The following JADE2 variants were observed in gnomAD, a reference collection of about 807,000 sequenced individuals.
The protein encoded by JADE2 is E3 ubiquitin-protein ligase Jade-2.
In JADE2, 13 loss-of-function variants were observed where a neutral mutation model predicts 85.7. That is an observed-to-expected ratio of 0.15 (90% CI 0.10 to 0.24). JADE2 has a LOEUF of 0.24. Among genes scored for constraint, JADE2 ranks in the 10% least tolerant of loss-of-function variants. The pLI, the probability that JADE2 is intolerant of heterozygous loss-of-function variation, is 1.00. For missense variants in JADE2, 846 were observed against 1,115.9 expected (o/e 0.76, Z 3.45); for synonymous variants, 440 against 456.1 (o/e 0.96, Z 0.45).
At chr5:134,559,276 C>G (rs1763177436) in intron 4 of JADE2, among the ~76,000 whole-genome samples, 1 of 152,186 alleles carries the variant, frequency 6.6e-6, no homozygotes, top group African/African-American at 2.4e-5. Context: ...ATGGAGTTTT[C>G]AGGCTGTTGG....
chr5:134,543,100 T>A (rs2149900835), intron 3 of JADE2, among the ~76,000 whole-genome samples: 1 of 149,910 alleles, frequency 6.7e-6, no homozygotes. Flanking sequence ...AGTGGTGTGA[T>A]CTCGGCTCAC....
intron 11 of JADE2, among the ~76,000 whole-genome samples, chr5:134,577,817 A>C (rs1042260005): frequency 1.3e-5 from 2 of 152,120 alleles, no homozygotes; most frequent in Non-Finnish European, 2.9e-5. Flanking sequence ...TGCCGCCCTC[A>C]CATCTGCTGG....
At position 134,568,144 on chromosome 5, in the gene JADE2, T is replaced by C. The variant is rs566211035; in HGVS notation, c.1434+1564T>C. ...GCCCATGTGTCTGTCCCTGGCTGGG[T>C]TGTCCAGGGAGGTCAAGGGCTTGAC... On this transcript the variant is annotated intron_variant, in intron 9 of 11. Coordinates refer to ENST00000681547, the MANE Select transcript of JADE2 (RefSeq NM_001388185.1). 2.0e-5 allele frequency among the ~76,000 whole-genome samples: 3 copies of C among 152,300 alleles called. No individual in the cohort carries two copies. The East Asian group carries it at 5.8e-4, about 29-fold the overall frequency.
intron 8 of JADE2, among the ~76,000 whole-genome samples, chr5:134,565,089 G>T (rs1763557884): frequency 6.6e-6 from 1 of 152,124 alleles, no homozygotes; most frequent in South Asian, 2.1e-4. Context: ...TAGACTGCTG[G>T]GCCTACTCCT....
chr5:134,531,803 G>A (rs1358300508), intron 1 of JADE2, among the ~76,000 whole-genome samples: 2 of 147,624 alleles, frequency 1.4e-5, no homozygotes, highest in East Asian at 2.0e-4. Flanking sequence ...GGCTGGTCTC[G>A]AATTCCTGAC....
intron 4 of JADE2, among the ~76,000 whole-genome samples, chr5:134,552,635 G>C (rs1048265921): frequency 2.6e-5 from 4 of 152,220 alleles, no homozygotes; most frequent in Non-Finnish European, 4.4e-5. Flanking sequence ...ACTCTGTAAT[G>C]TTGATCCAAA....
rs774040072 is a variant in JADE2 at position 134,566,472 on chromosome 5, G to A, written c.1326G>A (p.Pro442=). ...KLKRKANANQ[P]LLTPKTDEVD... is the part of the protein sequence containing the mutation. ...AGAGGAAAGCCAATGCCAACCAGCCGCTGCTGACCCCCAAGACCGACGAGG... is the reference window on the plus strand; with the variant it reads ...AGAGGAAAGCCAATGCCAACCAGCCACTGCTGACCCCCAAGACCGACGAGG... Residue 442 remains proline (P), a synonymous_variant, in exon 9 of 12, where the codon CCG becomes CCA. Transcript: ENST00000681547. This position sits in a 1 kb window ranked among gnomAD's most constrained non-coding sequence, Gnocchi z 6.7. 4.5e-5 allele frequency: 73 copies of A among 1,613,208 alleles called. 1 individual carries two copies. In the South Asian group the frequency reaches 7.7e-4, roughly 17 times the overall value.
At position 134,552,088 on chromosome 5, in the gene JADE2, C is replaced by A. The variant is rs868668671; in HGVS notation, c.190C>A (p.Pro64Thr). The A allele has an allele frequency of 3.7e-6, 6 of 1,614,090 alleles. No homozygotes were observed. In the African/African-American group the frequency reaches 6.7e-5, roughly 18 times the overall value. Reference sequence around the variant, plus strand: ...AGACTTGATCACAGCCATGAAGATCCCGGACTCATACCAGCTCAGCCCGGA... The same window carrying A: ...AGACTTGATCACAGCCATGAAGATCACGGACTCATACCAGCTCAGCCCGGA... ...RTDLITAMKI[P>T]DSYQLSPDDY... Residue 64 changes from proline (P) to threonine (T), a missense_variant, in exon 4 of 12, where the codon CCG becomes ACG. Pro to Thr is a conservative substitution (Grantham distance 38, BLOSUM62 -1). This residue lies in a region of JADE2 where 44 missense variants were observed against 92.0 expected (regional missense o/e 0.48). Coordinates refer to ENST00000681547, the MANE Select transcript of JADE2 (RefSeq NM_001388185.1).
intron 3 of JADE2, among the ~76,000 whole-genome samples, chr5:134,540,103 T>A (rs1761880435): frequency 6.6e-6 from 1 of 152,124 alleles, no homozygotes; most frequent in South Asian, 2.1e-4. Context: ...GTAGCCCTGC[T>A]TGGTAGGGGG....
At chr5:134,531,833 C>G (rs1761256798) in intron 1 of JADE2, among the ~76,000 whole-genome samples, 1 of 146,248 alleles carries the variant, frequency 6.8e-6, no homozygotes, top group African/African-American at 2.5e-5. Flanking sequence ...GATCCACCCA[C>G]TTTGGTCTCC....
rs1763386859 is a variant in JADE2, at chr5:134,562,513, C to T, written c.852+146C>T. The T allele has an allele frequency of 6.1e-6, 5 of 818,392 alleles. No homozygotes were observed. The highest frequency in any genetic ancestry group is 9.3e-6 in the Non-Finnish European group (5 of 537,410). 50.7% of individuals were successfully genotyped at this position (818,392 alleles called of 1,614,324 possible). The stretch of plus-strand genomic sequence containing the variant: ...ATCGGCCGGGCGCGGTGGCTCACGC[C>T]TGTAATCCCAGCATTTTGGGAGGCC... On this transcript the variant is annotated intron_variant, in intron 7 of 11. Transcript: ENST00000681547. The surrounding 1 kb of genome is among the most constrained non-coding windows in gnomAD (Gnocchi z 4.6).
chr5:134,556,601 T>A (rs1415125790), intron 4 of JADE2, among the ~76,000 whole-genome samples: 1 of 18,890 alleles, frequency 5.3e-5, no homozygotes, highest in Non-Finnish European at 9.8e-5. Flanking sequence ...CACACACACA[T>A]CACACAACAC....
intron 1 of JADE2, among the ~76,000 whole-genome samples, chr5:134,532,287 A>G (rs1224293004): frequency 6.6e-6 from 1 of 152,126 alleles, no homozygotes; most frequent in South Asian, 2.1e-4. Context: ...CAGGCAAGAG[A>G]TGAGATTGGC....
In JADE2 at chr5:134,566,422, T is replaced by C; in HGVS notation, c.1276T>C (p.Phe426Leu). Residue 426 changes from phenylalanine (F) to leucine (L), a missense_variant, in exon 9 of 12, where the codon TTC becomes CTC. Transcript: ENST00000681547. This position sits in a 1 kb window ranked among gnomAD's most constrained non-coding sequence, Gnocchi z 6.7. ...GGACCTGGCTGAGGCACTGGTCGACTTCATCTACCAGTACTGGAAGCTGAA... is the reference window on the plus strand; with the variant it reads ...GGACCTGGCTGAGGCACTGGTCGACCTCATCTACCAGTACTGGAAGCTGAA... ...RLDLAEALVDFIYQYWKLKRK... is the reference protein window; with the variant it reads ...RLDLAEALVDLIYQYWKLKRK... The C allele has an allele frequency of 6.2e-7, 1 of 1,613,906 alleles. No homozygotes were observed. The highest frequency in any genetic ancestry group is 8.5e-7 in the Non-Finnish European group (1 of 1,179,948).
At chr5:134,563,243 G>T (rs910349431) in intron 7 of JADE2, among the ~76,000 whole-genome samples, 2 of 151,674 alleles carry the variant, frequency 1.3e-5, no homozygotes, top group East Asian at 3.9e-4. Context: ...ACTTGAACCC[G>T]AGAGACAGAG....
intron 10 of JADE2, among the ~76,000 whole-genome samples, chr5:134,576,538 C>T (rs1764375413): frequency 6.6e-6 from 1 of 152,228 alleles, no homozygotes; most frequent in South Asian, 2.1e-4. Context: ...AGTCCAGGTC[C>T]TGCGAGGGCC....
intron 9 of JADE2, among the ~76,000 whole-genome samples, chr5:134,571,658 C>T (rs1049147247): frequency 6.6e-6 from 1 of 152,220 alleles, no homozygotes; most frequent in African/African-American, 2.4e-5. Flanking sequence ...GACTGTGCCA[C>T]TGCGCTCCAG....
chr5:134,557,129 C>T (rs898502108), intron 4 of JADE2, among the ~76,000 whole-genome samples: 1 of 152,014 alleles, frequency 6.6e-6, no homozygotes, highest in Non-Finnish European at 1.5e-5. Flanking sequence ...AGGCATTTTC[C>T]TAAGAGTTTT....
In JADE2 at chr5:134,560,592, G is replaced by A. The variant is rs151224639; in HGVS notation, c.473-154G>A. Among the ~76,000 whole-genome samples the A allele has an allele frequency of 2.7e-3, 405 of 152,306 alleles. 2 individuals carry two copies. The Middle Eastern group carries it at 0.037, about 14-fold the overall frequency. ...GGTCCAGACCATTCAGTTTTCAGAG[G>A]ATGGAGCTGCTTCTCCCAGGTCCAA... is the stretch of plus-strand genomic sequence containing the variant. On this transcript the variant is annotated intron_variant, in intron 5 of 11. Coordinates refer to ENST00000681547, the MANE Select transcript of JADE2 (RefSeq NM_001388185.1).
Sources: allele counts gnomAD v4.1 joint callset (sites outside exome capture counted in the v4.1 genomes callset), GRCh38; gene constraint gnomAD v4.1.1; regional missense constraint gnomAD v4.1.1; non-coding constraint Gnocchi (gnomAD v3.1); transcripts MANE v1.5; gene names NCBI Gene and HGNC (gene_info 2026-07-23, HGNC 2026-07-21).